Variants in CHIC1 observed in about 807,000 individuals in gnomAD.
The protein encoded by CHIC1 is cysteine rich hydrophobic domain 1.
CHIC1 carries 7 observed loss-of-function variants against 18.5 expected under a neutral mutation model. That is an observed-to-expected ratio of 0.38 (90% CI 0.22 to 0.71). The LOEUF (loss-of-function observed/expected upper bound fraction) is 0.71. Ranked by LOEUF, CHIC1 falls within the 30% of genes least tolerant of loss-of-function variation. CHIC1 has a pLI of 0.49. For missense variants in CHIC1, 159 were observed against 176.9 expected, an observed-to-expected ratio of 0.90 and a Z score of 0.57; for synonymous variants, 77 against 73.5, an observed-to-expected ratio of 1.05 and a Z score of -0.25.
chrX:73,653,477 A>C (rs2057927729), intron 3 of CHIC1, among the ~76,000 whole-genome samples: 3 of 111,844 alleles, frequency 2.7e-5, no homozygotes, highest in African/African-American at 9.8e-5. Context: ...TTAGTAGTAT[A>C]TTTTGAAATT....
intron 3 of CHIC1, among the ~76,000 whole-genome samples, chrX:73,676,695 G>A (rs958276852): frequency 2.7e-5 from 3 of 111,490 alleles, no homozygotes; most frequent in African/African-American, 9.8e-5. Context: ...CGGTAACTCA[G>A]AGTAGTTTGA....
chrX:73,674,354 A>G (rs1156589036), intron 3 of CHIC1, among the ~76,000 whole-genome samples: 1 of 111,849 alleles, frequency 8.9e-6, no homozygotes, highest in Non-Finnish European at 1.9e-5. Context: ...CTGTGAATCC[A>G]TCTGGTCCTG....
chrX:73,680,222 A>G (rs2058091688), intron 5 of CHIC1, among the ~76,000 whole-genome samples: 1 of 109,847 alleles, frequency 9.1e-6, no homozygotes, highest in Admixed American at 9.8e-5. Flanking sequence ...AGCCAATGTG[A>G]TCAATTTAGC....
At chrX:73,664,725 C>A (rs2057996146) in intron 3 of CHIC1, among the ~76,000 whole-genome samples, 1 of 111,454 alleles carries the variant, frequency 9.0e-6, no homozygotes, top group Admixed American at 9.5e-5. Context: ...TGTGTATAGA[C>A]CTGGGGATCA....
chrX:73,584,408 C>A lies in CHIC1; in HGVS notation c.352-9C>A. The A allele has an allele frequency of 8.5e-7, 1 of 1,183,123 alleles. No homozygotes were observed. Among genetic ancestry groups the A allele is most frequent in the South Asian group, 1.9e-5 (1 of 52,804 alleles). On this transcript the variant is annotated splice_polypyrimidine_tract_variant and intron_variant, in intron 2 of 5. Coordinates refer to ENST00000373502, the MANE Select transcript of CHIC1 (RefSeq NM_001039840.4). ...CCCACAAACTGTTAAAGATTGTACC[C>A]TCTTGTAGGTGGCCCCAGAAGAATT...
At position 73,686,962 on chromosome X, in the gene CHIC1, C is replaced by T. The variant is rs2058125220; in HGVS notation, c.*5957C>T. The T allele has an allele frequency of 9.0e-6, 1 of 111,674 alleles. No homozygotes were observed. Among genetic ancestry groups the T allele is most frequent in the African/African-American group, 3.2e-5 (1 of 30,787 alleles). The allele number at this position is 111,674 out of a possible 1,213,427, so 9.2% of individuals were successfully genotyped here. The stretch of plus-strand genomic sequence containing the variant: ...CAGGAATGACTTCCCTGGAAAAACT[C>T]AATCTATATACAGCTGTGCCAAAAT... On this transcript the variant is annotated 3_prime_UTR_variant, in exon 6 of 6. Coordinates refer to ENST00000373502, the MANE Select transcript of CHIC1 (RefSeq NM_001039840.4).
At chrX:73,675,514 T>G (rs1402247740) in intron 3 of CHIC1, among the ~76,000 whole-genome samples, 1 of 111,895 alleles carries the variant, frequency 8.9e-6, no homozygotes, top group Non-Finnish European at 1.9e-5. Context: ...TTGATCTTTG[T>G]TGGTTTAAAG....
chrX:73,627,443 C>T (rs1332127839), intron 3 of CHIC1, among the ~76,000 whole-genome samples: 1 of 112,735 alleles, frequency 8.9e-6, no homozygotes, highest in Non-Finnish European at 1.9e-5. Flanking sequence ...GTCCTAGAGT[C>T]AGGGACTAGA....
chrX:73,643,449 A>G (rs2057869710), intron 3 of CHIC1, among the ~76,000 whole-genome samples: 2 of 111,387 alleles, frequency 1.8e-5, no homozygotes, highest in South Asian at 7.7e-4. Context: ...CCTGGATAAT[A>G]TCCTGCAGAG....
intron 3 of CHIC1, among the ~76,000 whole-genome samples, chrX:73,591,667 G>T (rs185697207): frequency 2.4e-4 from 27 of 111,406 alleles, no homozygotes; most frequent in African/African-American, 8.1e-4. Context: ...CCTAGATTTT[G>T]TTTTATGTTA....
chrX:73,603,145 G>T (rs1185598439), intron 3 of CHIC1, among the ~76,000 whole-genome samples: 3 of 108,563 alleles, frequency 2.8e-5, no homozygotes, highest in African/African-American at 1.1e-4. Context: ...CTATTTATGA[G>T]CATGGAATGT....
rs1370273745 is a variant in CHIC1 at position 73,683,534 on chromosome X, A to G, written c.*2529A>G. ...GCCTTTTTTCTGTTATGCTTAGGAT[A>G]GAACATACTTGTAATTTTCCATTAG... On this transcript the variant is annotated 3_prime_UTR_variant, in exon 6 of 6. Coordinates refer to ENST00000373502, the MANE Select transcript of CHIC1 (RefSeq NM_001039840.4). The G allele has an allele frequency of 1.8e-5, 2 of 111,673 alleles. No homozygotes were observed. Among genetic ancestry groups the G allele is most frequent in the Admixed American group, 1.9e-4 (2 of 10,474 alleles). 9.2% of individuals were successfully genotyped at this position (111,673 alleles called of 1,213,427 possible). A position where few individuals can be genotyped will look rare whatever the true frequency, so the allele number is the denominator to read the frequency against.
chrX:73,667,763 T>C (rs2058011218), intron 3 of CHIC1, among the ~76,000 whole-genome samples: 1 of 111,222 alleles, frequency 9.0e-6, no homozygotes, highest in South Asian at 3.8e-4. Context: ...TCCCCTTGTA[T>C]GTGACTTGGC....
At chrX:73,647,834 G>A (rs2057896368) in intron 3 of CHIC1, among the ~76,000 whole-genome samples, 1 of 112,275 alleles carries the variant, frequency 8.9e-6, no homozygotes, top group Non-Finnish European at 1.9e-5. Flanking sequence ...TTTCTGCCCA[G>A]TGAGGTACAT....
chrX:73,585,846 A>G (rs1252450355), intron 3 of CHIC1, among the ~76,000 whole-genome samples: 2 of 110,834 alleles, frequency 1.8e-5, no homozygotes, highest in East Asian at 5.7e-4. Flanking sequence ...TGATTTTACT[A>G]TCAATACTTT....
At chrX:73,611,068 G>A (rs1321729280) in intron 3 of CHIC1, among the ~76,000 whole-genome samples, 1 of 106,130 alleles carries the variant, frequency 9.4e-6, no homozygotes, top group Non-Finnish European at 1.9e-5. Flanking sequence ...TGTGCACAAC[G>A]TGCCGGTTAG....
chrX:73,623,259 ATCTG>A (rs1261934168), intron 3 of CHIC1, among the ~76,000 whole-genome samples: 1 of 110,465 alleles, frequency 9.1e-6, no homozygotes, highest in Non-Finnish European at 1.9e-5. Flanking sequence ...TGTCTCATTG[ATCTG>A]TCTAATATTG....
intron 3 of CHIC1, among the ~76,000 whole-genome samples, chrX:73,650,084 A>G (rs967578009): frequency 1.8e-5 from 2 of 112,557 alleles, no homozygotes; most frequent in African/African-American, 6.5e-5. Context: ...TTCCTGAAAG[A>G]TTCCTGGATA....
At chrX:73,671,629 A>C (rs1040755416) in intron 3 of CHIC1, among the ~76,000 whole-genome samples, 1 of 110,939 alleles carries the variant, frequency 9.0e-6, no homozygotes, top group African/African-American at 3.3e-5. Context: ...GTTCTTTTTA[A>C]TGATATCTTT....
Sources: gnomAD v4.1 joint callset for allele counts (sites outside exome capture counted in the v4.1 genomes callset) on GRCh38, gnomAD v4.1.1 for gene constraint, MANE v1.5 for transcripts, NCBI Gene and HGNC (gene_info 2026-07-23, HGNC 2026-07-21) for gene names.